ELFN2: variants seen among roughly 807,000 people sequenced by gnomAD.
The protein encoded by ELFN2 is extracellular leucine rich repeat and fibronectin type III domain containing 2.
Under a neutral mutation model 45.5 loss-of-function variants are expected in ELFN2, and 17 were observed. The ratio of observed to expected loss-of-function variants is 0.37; its 90% CI spans 0.26 to 0.56. ELFN2 has a LOEUF of 0.56. Ranked by LOEUF, ELFN2 falls within the 20% of genes least tolerant of loss-of-function variation. ELFN2 has a pLI of 0.77. For missense variants in ELFN2, 922 were observed against 1,183.2 expected (o/e 0.78, Z 3.24); for synonymous variants, 550 against 551.5 (o/e 1.00, Z 0.04).
rs965249684 is a variant in ELFN2, at chr22:37,369,065, C to T, written c.*4007G>A. ...GTCTTATCCCTTCCCTGCACTTAGG[C>T]CCCTTATAAGCTAGGACCTGTCACT... is the stretch of plus-strand genomic sequence containing the variant. On this transcript the variant is annotated 3_prime_UTR_variant, in exon 3 of 3. Coordinates refer to ENST00000402918, the MANE Select transcript of ELFN2 (RefSeq NM_052906.5). 1.3e-5 allele frequency: 2 copies of T among 152,140 alleles called. No individual in the cohort carries two copies. Among genetic ancestry groups the T allele is most frequent in the Non-Finnish European group, 2.9e-5 (2 of 68,034 alleles). The allele number at this position is 152,140 out of a possible 1,614,324, so 9.4% of individuals were successfully genotyped here.
chr22:37,341,645 G>A (rs1011721412), intron 2 of ELFN2, among the ~76,000 whole-genome samples: 1 of 152,170 alleles, frequency 6.6e-6, no homozygotes, highest in South Asian at 2.1e-4. Flanking sequence ...AATCTCTTGG[G>A]TGCTATTTGG....
intron 1 of ELFN2, among the ~76,000 whole-genome samples, chr22:37,344,968 A>G (rs1347415502): frequency 6.6e-6 from 1 of 152,020 alleles, no homozygotes; most frequent in African/African-American, 2.4e-5. Context: ...CCCTGCTGTC[A>G]GCACCACTCT....
intron 2 of ELFN2, among the ~76,000 whole-genome samples, chr22:37,389,091 A>G (rs1932030763): frequency 6.6e-6 from 1 of 152,128 alleles, no homozygotes. Flanking sequence ...TGGGGCCACA[A>G]TGAGGACTAA....
At chr22:37,358,921 T>G in intron 1 of ELFN2, among the ~76,000 whole-genome samples, 1 of 152,080 alleles carries the variant, frequency 6.6e-6, no homozygotes, top group South Asian at 2.1e-4. Flanking sequence ...AAACGGCCCA[T>G]CATGTTGGCT....
chr22:37,380,434 G>A (rs1199096470), intron 2 of ELFN2, among the ~76,000 whole-genome samples: 1 of 152,138 alleles, frequency 6.6e-6, no homozygotes, highest in African/African-American at 2.4e-5. Context: ...CAGGGCAGGA[G>A]GCCCCACAAA....
At chr22:37,395,375 C>A (rs536472852) in intron 2 of ELFN2, among the ~76,000 whole-genome samples, 40 of 152,250 alleles carry the variant, frequency 2.6e-4, no homozygotes, top group Middle Eastern at 3.4e-3. Flanking sequence ...TTCATGAAAA[C>A]CCCTCCACGG....
chr22:37,343,485 T>C (rs1429259986), intron 1 of ELFN2, among the ~76,000 whole-genome samples: 2 of 151,442 alleles, frequency 1.3e-5, no homozygotes, highest in Non-Finnish European at 2.9e-5. Context: ...GGTTTCTGTC[T>C]CTCTCTCAGC....
In ELFN2 at chr22:37,373,950, C is replaced by G. The variant is rs1286181518; in HGVS notation, c.1585G>C (p.Gly529Arg). 1 of 1,611,976 alleles carries G rather than the reference C, an allele frequency of 6.2e-7. No homozygotes were observed. Among genetic ancestry groups the G allele is most frequent in the Non-Finnish European group, 8.5e-7 (1 of 1,179,594 alleles). ...DDLPDLENGQ[G>R]SAAEISTIAK... ...ATGGTGGAGATCTCTGCAGCCGAGC[C>G]CTGGCCGTTCTCGAGGTCCGGGAGG... The change falls in exon 3 of 3, where the codon GGC becomes CGC. Residue 529 changes from glycine to arginine, a missense_variant. This residue lies in a region of ELFN2 where 564 missense variants were observed against 642.8 expected (regional missense o/e 0.88). Coordinates refer to ENST00000402918, the MANE Select transcript of ELFN2 (RefSeq NM_052906.5).
intron 1 of ELFN2, among the ~76,000 whole-genome samples, chr22:37,426,618 C>T (rs928308930): frequency 2.8e-5 from 4 of 142,556 alleles, no homozygotes; most frequent in African/African-American, 1.0e-4. Context: ...CACGCACACA[C>T]ACACACTGGC....
At chr22:37,340,830 G>A (rs1027667026) in exon 3 of ELFN2, 1 of 152,264 alleles carries the variant, frequency 6.6e-6, no homozygotes, top group Non-Finnish European at 1.5e-5. Context: ...TGAGGGCAGA[G>A]CCGGTGGTGC....
chr22:37,347,829 G>C (rs1350488176), intron 1 of ELFN2, among the ~76,000 whole-genome samples: 2 of 152,196 alleles, frequency 1.3e-5, no homozygotes, highest in African/African-American at 4.8e-5. Context: ...TGGATTGGAG[G>C]ACAGAACAGG....
intron 2 of ELFN2, among the ~76,000 whole-genome samples, chr22:37,391,370 G>A (rs572714687): frequency 1.3e-5 from 2 of 152,176 alleles, no homozygotes; most frequent in South Asian, 2.1e-4. Context: ...CTCTGTACAC[G>A]TCCACGGCTG....
chr22:37,412,984 AG>A (rs1451208271), intron 2 of ELFN2, among the ~76,000 whole-genome samples: 2 of 152,146 alleles, frequency 1.3e-5, no homozygotes, highest in African/African-American at 4.8e-5. Context: ...CTCTGAGCAT[AG>A]GTCCAAATCC....
At chr22:37,391,974 C>A (rs558726512) in intron 2 of ELFN2, among the ~76,000 whole-genome samples, 3 of 152,344 alleles carry the variant, frequency 2.0e-5, no homozygotes, top group South Asian at 4.1e-4. Flanking sequence ...TTCCCCAAGA[C>A]CCATCTCCTC....
intron 1 of ELFN2, among the ~76,000 whole-genome samples, chr22:37,425,769 G>T (rs1042405557): frequency 2.6e-5 from 4 of 151,930 alleles, no homozygotes; most frequent in African/African-American, 9.7e-5. Context: ...CCCTCTCAGG[G>T]GACACACATG....
intron 2 of ELFN2, among the ~76,000 whole-genome samples, chr22:37,408,229 G>A (rs765702019): frequency 3.3e-5 from 5 of 152,334 alleles, no homozygotes; most frequent in Admixed American, 1.3e-4. Context: ...AGATAGACAG[G>A]TATGTGCCTG....
At chr22:37,379,934 C>T (rs8137368) in intron 2 of ELFN2, among the ~76,000 whole-genome samples, 1 of 152,072 alleles carries the variant, frequency 6.6e-6, no homozygotes, top group African/African-American at 2.4e-5. Flanking sequence ...CCTGCCCCCC[C>T]TCGGAGGGCA....
chr22:37,414,544 T>C (rs113685949), intron 2 of ELFN2, among the ~76,000 whole-genome samples: 1 of 152,346 alleles, frequency 6.6e-6, no homozygotes, highest in African/African-American at 2.4e-5. Flanking sequence ...CTTCCTCTTC[T>C]GGAAACCAGG....
chr22:37,378,472 C>T (rs962982799), intron 2 of ELFN2, among the ~76,000 whole-genome samples: 2 of 152,212 alleles, frequency 1.3e-5, no homozygotes, highest in African/African-American at 2.4e-5. Context: ...AGAGGCTGAG[C>T]GTGGAGGGGC....
Sources: gnomAD v4.1 joint callset for allele counts (sites outside exome capture counted in the v4.1 genomes callset) on GRCh38, gnomAD v4.1.1 for gene constraint, gnomAD v4.1.1 regional missense constraint, MANE v1.5 for transcripts, NCBI Gene and HGNC (gene_info 2026-07-23, HGNC 2026-07-21) for gene names.